Variants in ALPK2 observed in about 807,000 individuals in gnomAD.
ALPK2 encodes alpha-protein kinase 2.
A neutral mutation model predicts 163.1 loss-of-function variants in ALPK2; 127 were observed. That is an observed-to-expected ratio of 0.78 (90% CI 0.67 to 0.90). ALPK2 has a LOEUF of 0.90. ALPK2 is among the 40% of genes least tolerant of loss of function. ALPK2 has a pLI of 0.00. For missense variants in ALPK2, 2,360 were observed against 2,589.6 expected (o/e 0.91, Z 1.92); for synonymous variants, 953 against 959.1 (o/e 0.99, Z 0.12).
At chr18:58,488,637 A>G (rs1294316463) in intron 12 of ALPK2, among the ~76,000 whole-genome samples, 2 of 151,796 alleles carry the variant, frequency 1.3e-5, no homozygotes, top group Non-Finnish European at 2.9e-5. Context: ...TTGGTAACCC[A>G]TTAGATGCCA....
intron 6 of ALPK2, among the ~76,000 whole-genome samples, chr18:58,527,014 A>G (rs771773385): frequency 2.0e-5 from 3 of 152,252 alleles, no homozygotes; most frequent in South Asian, 2.1e-4. Flanking sequence ...CCAGTTTTAT[A>G]TCTATTTCAA....
intron 8 of ALPK2, 105 bp from the exon 9 acceptor site, chr18:58,517,287 C>G: frequency 8.4e-7 from 1 of 1,195,190 alleles, no homozygotes; most frequent in Non-Finnish European, 1.2e-6. Context: ...ACAAGGCTGA[C>G]CTGCAGAACC....
chr18:58,530,527 G>A (rs1044340400), intron 5 of ALPK2, among the ~76,000 whole-genome samples: 5 of 152,210 alleles, frequency 3.3e-5, no homozygotes, highest in Non-Finnish European at 7.3e-5. Flanking sequence ...TTCCTAGAGG[G>A]TCTTTCCAAC....
At position 58,503,911 on chromosome 18, in the gene ALPK2, G is replaced by A. The variant is rs1470292559; in HGVS notation, c.6247+20C>T. ...TGGCCCACAGCATCCCTGGAGCCTG[G>A]GCTAAGCTGCTTTCCTCACCTTGCA... On this transcript the variant is annotated intron_variant, in intron 11 of 12. Coordinates refer to ENST00000361673, the MANE Select transcript of ALPK2 (RefSeq NM_052947.4). 6.2e-7 allele frequency: 1 copy of A among 1,603,768 alleles called. No individual in the cohort carries two copies. Among genetic ancestry groups the A allele is most frequent in the Non-Finnish European group, 8.5e-7 (1 of 1,174,068 alleles).
At chr18:58,595,737 G>A (rs138777980) in intron 3 of ALPK2, among the ~76,000 whole-genome samples, 85 of 152,320 alleles carry the variant, frequency 5.6e-4, no homozygotes, top group African/African-American at 2.0e-3. Flanking sequence ...TGTATAGCCA[G>A]GAGTGGGCTA....
chr18:58,483,219 A>G (rs1483980512), intron 12 of ALPK2, among the ~76,000 whole-genome samples: 1 of 152,238 alleles, frequency 6.6e-6, no homozygotes, highest in Non-Finnish European at 1.5e-5. Context: ...AGTAGCACAT[A>G]TGTAAACCTA....
intron 11 of ALPK2, 45 bp from the exon 12 acceptor site, chr18:58,498,142 C>CCCAACTTCCTGAGGGG: frequency 6.2e-7 from 1 of 1,603,800 alleles, no homozygotes; most frequent in Non-Finnish European, 8.5e-7. Context: ...TTACTCAGGG[C>CCCAACTTCCTGAGGGG]CCCTCAGGAA....
chr18:58,526,253 A>C (rs1158074682), intron 6 of ALPK2, among the ~76,000 whole-genome samples: 1 of 152,214 alleles, frequency 6.6e-6, no homozygotes, highest in Non-Finnish European at 1.5e-5. Flanking sequence ...AAGAACACAA[A>C]GAGTGAAGTT....
intron 3 of ALPK2, among the ~76,000 whole-genome samples, chr18:58,582,713 A>T (rs116484832): frequency 0.014 from 2,104 of 152,184 alleles, 25 homozygotes; most frequent in African/African-American, 0.038. Flanking sequence ...TTTTAGGGAG[A>T]CAGAAGTTAC....
chr18:58,495,119 G>T (rs1315947301), intron 12 of ALPK2, among the ~76,000 whole-genome samples: 4 of 152,130 alleles, frequency 2.6e-5, no homozygotes, highest in African/African-American at 9.7e-5. Flanking sequence ...CTCCAGAGGG[G>T]TTCCCAGGAG....
At chr18:58,491,495 C>T (rs1263265774) in intron 12 of ALPK2, among the ~76,000 whole-genome samples, 3 of 152,172 alleles carry the variant, frequency 2.0e-5, no homozygotes, top group Admixed American at 1.3e-4. Flanking sequence ...ACCCTGCCCT[C>T]GATGGATCAA....
chr18:58,521,497 G>A (rs1253240025), intron 8 of ALPK2, among the ~76,000 whole-genome samples: 1 of 152,002 alleles, frequency 6.6e-6, no homozygotes, highest in Non-Finnish European at 1.5e-5. Flanking sequence ...TATAACACAT[G>A]TATGCTACAC....
intron 4 of ALPK2, chr18:58,557,009 C>T (rs562217241): frequency 1.3e-5 from 2 of 152,448 alleles, no homozygotes; most frequent in South Asian, 4.1e-4. Context: ...CCTCTTTCGT[C>T]CTGTAGCTCC....
At chr18:58,507,339 G>T (rs949118262) in intron 10 of ALPK2, among the ~76,000 whole-genome samples, 5 of 152,172 alleles carry the variant, frequency 3.3e-5, no homozygotes, top group African/African-American at 1.2e-4. Context: ...CCCACAAAGA[G>T]CCCTTAAATG....
chr18:58,500,761 T>TA (rs771457743), intron 11 of ALPK2, among the ~76,000 whole-genome samples: 48 of 118,590 alleles, frequency 4.0e-4, no homozygotes, highest in Non-Finnish European at 7.0e-4. Flanking sequence ...CCGTCTCTAC[T>TA]AAAAAATACA....
At position 58,538,141 on chromosome 18, in the gene ALPK2, T is replaced by TG. The variant is rs561573547; in HGVS notation, c.2045dup (p.Phe683IlefsTer38). The TG allele has an allele frequency of 2.7e-3, 4,415 of 1,614,070 alleles. 4 individuals are homozygous for TG. Among genetic ancestry groups the TG allele is most frequent in the Non-Finnish European group, 3.2e-3 (3,778 of 1,180,028 alleles). On this transcript the variant is annotated frameshift_variant, in exon 5 of 13. Coordinates refer to ENST00000361673, the MANE Select transcript of ALPK2 (RefSeq NM_052947.4). LOFTEE classifies it high-confidence loss of function. ...AGGAAATTGTTGTGGTCCCAGTGAA[T>TG]GGGGACTCCTCCCCAGCAGGCTCTG...
intron 12 of ALPK2, among the ~76,000 whole-genome samples, chr18:58,486,425 G>T (rs905611475): frequency 6.6e-6 from 1 of 152,186 alleles, no homozygotes; most frequent in Non-Finnish European, 1.5e-5. Context: ...AGTTAGGGGT[G>T]TATGCGCCCC....
chr18:58,512,877 G>A (rs1049510725), intron 10 of ALPK2, among the ~76,000 whole-genome samples: 1 of 144,468 alleles, frequency 6.9e-6, no homozygotes, highest in African/African-American at 2.6e-5. Flanking sequence ...TATGTGTGGT[G>A]TGTGTGGGGG....
intron 1 of ALPK2, among the ~76,000 whole-genome samples, chr18:58,616,647 G>A (rs1307636626): frequency 6.6e-6 from 1 of 152,192 alleles, no homozygotes; most frequent in Non-Finnish European, 1.5e-5. Flanking sequence ...CTGGGAGGGT[G>A]GCACATCCCA....
Sources: allele counts gnomAD v4.1 joint callset (sites outside exome capture counted in the v4.1 genomes callset), GRCh38; gene constraint gnomAD v4.1.1; transcripts MANE v1.5; gene names NCBI Gene and HGNC (gene_info 2026-07-23, HGNC 2026-07-21).